Variants in AFM observed in about 807,000 individuals in gnomAD.
AFM encodes afamin.
Under a neutral mutation model 68.7 loss-of-function variants are expected in AFM, and 82 were observed. The observed-to-expected ratio is 1.19, with a 90% confidence interval of 1.00 to 1.43. AFM has a LOEUF of 1.43. Ranked by LOEUF, AFM falls within the 40% of genes most tolerant of loss-of-function variation. The probability of loss-of-function intolerance (pLI) is 0.00; values close to 1 mark genes in which losing one functional copy is unlikely to be tolerated. For missense variants in AFM, 772 were observed against 701.8 expected (o/e 1.10, Z -1.13); for synonymous variants, 250 against 234.2 (o/e 1.07, Z -0.61).
At chr4:73,484,818 TGAGCC>T (rs1323562985) in intron 3 of AFM, among the ~76,000 whole-genome samples, 4 of 152,174 alleles carry the variant, frequency 2.6e-5, no homozygotes, top group African/African-American at 9.6e-5. Context: ...ATTGCAGGCG[TGAGCC>T]ACTGTGCCCT....
chr4:73,496,199 C>A (rs1721249879), intron 9 of AFM, among the ~76,000 whole-genome samples: 1 of 152,162 alleles, frequency 6.6e-6, no homozygotes, highest in Non-Finnish European at 1.5e-5. Context: ...TCTAGGGAAG[C>A]TAGTCCTTGA....
intron 2 of AFM, 42 bp from the exon 3 acceptor site, chr4:73,484,216 C>T (rs367824442): frequency 1.3e-5 from 20 of 1,566,240 alleles, no homozygotes; most frequent in Non-Finnish European, 1.7e-5. Context: ...TAAATGGAAA[C>T]TCTGCAACTG....
rs1413079283 is a variant in AFM at position 73,481,795 on chromosome 4, C to G, written c.20C>G (p.Thr7Arg). Residue 7 changes from threonine to arginine, a missense_variant, in exon 1 of 15, where the codon ACA (threonine) becomes AGA (arginine). By Grantham distance (71) the Thr-to-Arg change is moderately conservative. Coordinates refer to ENST00000226355, the MANE Select transcript of AFM (RefSeq NM_001133.2). ...ACAAAGATGAAACTACTAAAACTTA[C>G]AGGTTTTATTTTTTTCTTGTTTTTT... MKLLKL[T>R]GFIFFLFFLT... The G allele has an allele frequency of 1.9e-6, 3 of 1,600,726 alleles. No individual in the cohort carries two copies. Among genetic ancestry groups the G allele is most frequent in the Admixed American group, 3.4e-5 (2 of 58,870 alleles).
intron 12 of AFM, among the ~76,000 whole-genome samples, chr4:73,501,292 A>G (rs1472698526): frequency 6.6e-6 from 1 of 152,106 alleles, no homozygotes; most frequent in East Asian, 1.9e-4. Flanking sequence ...TTGGGGGTAC[A>G]TGTGATATTT....
At position 73,488,689 on chromosome 4, in the gene AFM, T is replaced by A. The variant is rs139224995; in HGVS notation, c.773T>A (p.Leu258His). The change falls in exon 7 of 15, where the codon CTT (leucine) becomes CAT (histidine). Residue 258 changes from leucine (L) to histidine (H), a missense_variant. Physicochemically the swap from Leu to His is moderately conservative, Grantham distance 99. Coordinates refer to ENST00000226355, the MANE Select transcript of AFM (RefSeq NM_001133.2). ...PKIEFKELIS[L>H]VEDVSSNYDG... ...ATTGAATTTAAGGAGCTTATTTCTC[T>A]TGTAGAAGATGTTTCTTCCAACTAT... 38 of 1,613,114 alleles carry A rather than the reference T, an allele frequency of 2.4e-5. No individual in the cohort carries two copies.
intron 1 of AFM, 128 bp from the exon 2 acceptor site, chr4:73,483,813 G>A: frequency 1.4e-6 from 1 of 700,468 alleles, no homozygotes. Flanking sequence ...TGTTAAATAT[G>A]CAAAATTATC....
In AFM at chr4:73,500,871, C is replaced by T. The variant is rs188650989; in HGVS notation, c.1646+644C>T. On this transcript the variant is annotated intron_variant, in intron 12 of 14. Coordinates refer to ENST00000226355, the MANE Select transcript of AFM (RefSeq NM_001133.2). ...ATTCATAGATTCACAGTGCAATACACTCTTGTATTTTCCAGTCCATCCTAT... is the reference window on the plus strand; with the variant it reads ...ATTCATAGATTCACAGTGCAATACATTCTTGTATTTTCCAGTCCATCCTAT... 2.2e-3 allele frequency among the ~76,000 whole-genome samples: 340 copies of T among 152,260 alleles called. 1 individual carries two copies. The highest frequency in any genetic ancestry group is 3.9e-3 in the Non-Finnish European group (263 of 67,996).
In AFM at chr4:73,487,805, A is replaced by G. The variant is rs779479773; in HGVS notation, c.697A>G (p.Lys233Glu). 29 of 1,603,246 alleles carry G rather than the reference A, an allele frequency of 1.8e-5. No individual in the cohort carries two copies. Among genetic ancestry groups the G allele is most frequent in the Non-Finnish European group, 2.2e-5 (26 of 1,170,414 alleles). Residue 233 changes from lysine (K) to glutamate (E), a missense_variant, in exon 6 of 15, where the codon AAA becomes GAA. Physicochemically the swap from Lys to Glu is moderately conservative, Grantham distance 56. Transcript: ENST00000226355. ...VCGALLKFGT[K>E]VVHFIYIAIL... ...TGGGGCACTTTTGAAATTTGGAACC[A>G]AAGTTGTACACTTTATGTGAGTTTT... is the stretch of plus-strand genomic sequence containing the variant.
In AFM at chr4:73,488,212, A is replaced by G. The variant is rs149910705; in HGVS notation, c.713+391A>G. Among the ~76,000 whole-genome samples the G allele has an allele frequency of 2.6e-3, 402 of 152,272 alleles. 2 individuals carry two copies. The highest frequency in any genetic ancestry group is 9.5e-3 in the African/African-American group (395 of 41,572). On this transcript the variant is annotated intron_variant, in intron 6 of 14. Transcript: ENST00000226355. ...AAGATAAATTTTATCTCTAGTGCTC[A>G]CCCTAATCAATTAGTAATGGGTGTT...
chr4:73,503,052 T>C lies in AFM; in HGVS notation c.1782T>C (p.Ser594=). 6.2e-7 allele frequency: 1 copy of C among 1,613,076 alleles called. No homozygotes were observed. Among genetic ancestry groups the C allele is most frequent in the East Asian group, 2.2e-5 (1 of 44,856 alleles). Residue 594 remains serine (S), a splice_region_variant and synonymous_variant, in exon 14 of 15, where the codon AGT becomes AGC. Transcript: ENST00000226355. The part of the protein sequence containing the change: ...ESPEVCFNEE[S]PKIGN ...TTTATTTCCATCCCTCACCTCAGAG[T>C]CCAAAAATTGGCAACTGAAGCCAGC... is the stretch of plus-strand genomic sequence containing the variant.
At chr4:73,497,195 A>G (rs1721280813) in intron 9 of AFM, among the ~76,000 whole-genome samples, 1 of 152,196 alleles carries the variant, frequency 6.6e-6, no homozygotes, top group African/African-American at 2.4e-5. Context: ...AAATCTAAAC[A>G]ATGAAAAAAT....
intron 12 of AFM, among the ~76,000 whole-genome samples, chr4:73,500,837 A>G (rs1249546524): frequency 6.6e-6 from 1 of 152,192 alleles, no homozygotes; most frequent in Non-Finnish European, 1.5e-5. Context: ...TACTCTTATT[A>G]TGTGCAATAT....
chr4:73,482,809 T>G (rs563492471), intron 1 of AFM, among the ~76,000 whole-genome samples: 1 of 152,292 alleles, frequency 6.6e-6, no homozygotes, highest in Admixed American at 6.5e-5. Context: ...TTTCTACCTT[T>G]TTCTATTTGT....
chr4:73,496,541 G>T (rs1434135979), intron 9 of AFM, among the ~76,000 whole-genome samples: 1 of 152,096 alleles, frequency 6.6e-6, no homozygotes, highest in Non-Finnish European at 1.5e-5. Flanking sequence ...TGTTTCTGGT[G>T]TCTGGCCCCA....
intron 11 of AFM, 43 bp downstream of exon 11, chr4:73,499,289 T>A (rs57148462): frequency 6.0e-4 from 842 of 1,392,514 alleles, no homozygotes; most frequent in South Asian, 2.1e-3. Context: ...TTTTTTTTTT[T>A]TAAAAAAAAG....
rs1238182509 is a variant in AFM, at chr4:73,499,251, G to T, written c.1422+5G>T. On this transcript the variant is annotated splice_donor_5th_base_variant and intron_variant, in intron 11 of 14. Coordinates refer to ENST00000226355, the MANE Select transcript of AFM (RefSeq NM_001133.2). ...TTTGCCTGTGTTGATAATTTGGTGA[G>T]CATGGCCTGTGTACCAGACTACTCT... is the stretch of plus-strand genomic sequence containing the variant. The T allele has an allele frequency of 1.9e-6, 3 of 1,599,112 alleles. No individual in the cohort carries two copies. In the Admixed American group the frequency reaches 5.1e-5, roughly 27 times the overall value.
intron 7 of AFM, among the ~76,000 whole-genome samples, chr4:73,491,468 A>G (rs914772105): frequency 2.6e-5 from 4 of 152,218 alleles, no homozygotes; most frequent in African/African-American, 4.8e-5. Flanking sequence ...CTCAGCCACA[A>G]GAGAAGACCA....
In AFM at chr4:73,488,732, G is replaced by A. The variant is rs1720985505; in HGVS notation, c.816G>A (p.Gly272=). 6.2e-7 allele frequency: 1 copy of A among 1,612,738 alleles called. No individual in the cohort carries two copies. Among genetic ancestry groups the A allele is most frequent in the African/African-American group, 1.3e-5 (1 of 74,864 alleles). ...VSSNYDGCCE[G]DVVQCIRDTS... Reference sequence around the variant, plus strand: ...CCAACTATGATGGATGCTGTGAAGGGGATGTTGTGCAGTGCATCCGTGACA... The same window carrying A: ...CCAACTATGATGGATGCTGTGAAGGAGATGTTGTGCAGTGCATCCGTGACA... The change falls in exon 7 of 15, where the codon GGG becomes GGA. Residue 272 remains glycine (G), a synonymous_variant. Transcript: ENST00000226355.
At chr4:73,488,371 AT>A (rs754845293) in intron 6 of AFM, among the ~76,000 whole-genome samples, 42 of 151,622 alleles carry the variant, frequency 2.8e-4, no homozygotes, top group Non-Finnish European at 4.7e-4. Flanking sequence ...TACTATAATA[AT>A]TATGGAAGAA....
Sources: gnomAD v4.1 joint callset for allele counts (sites outside exome capture counted in the v4.1 genomes callset) on GRCh38, gnomAD v4.1.1 for gene constraint, MANE v1.5 for transcripts, NCBI Gene and HGNC (gene_info 2026-07-23, HGNC 2026-07-21) for gene names.